PACS1: variants seen among roughly 807,000 people sequenced by gnomAD.
PACS1 encodes phosphofurin acidic cluster sorting protein 1.
Under a neutral mutation model 115.0 loss-of-function variants are expected in PACS1, and 24 were observed. The ratio of observed to expected loss-of-function variants is 0.21; its 90% CI spans 0.15 to 0.29. PACS1 has a LOEUF of 0.29. Among genes scored for constraint, PACS1 ranks in the 10% least tolerant of loss-of-function variants. The probability of loss-of-function intolerance (pLI) is 1.00; values close to 1 mark genes in which losing one functional copy is unlikely to be tolerated. For missense variants in PACS1, 838 were observed against 1,251.2 expected (o/e 0.67, Z 4.98); for synonymous variants, 453 against 504.5 (o/e 0.90, Z 1.37).
At chr11:66,134,254 C>CTTTTTCT (rs1858780251) in intron 1 of PACS1, among the ~76,000 whole-genome samples, 1 of 75,064 alleles carries the variant, frequency 1.3e-5, no homozygotes, top group Non-Finnish European at 2.3e-5. Flanking sequence ...TTTTCTTTTT[C>CTTTTTCT]TTTTTTTTTT....
At chr11:66,242,802 T>C in intron 22 of PACS1, 110 bp from the exon 23 acceptor site, 1 of 1,455,966 alleles carries the variant, frequency 6.9e-7, no homozygotes, top group East Asian at 2.3e-5. Context: ...AGGGGTTGGT[T>C]TGCAGATCAC....
chr11:66,202,250 C>T (rs955450582), intron 2 of PACS1, among the ~76,000 whole-genome samples: 2 of 152,254 alleles, frequency 1.3e-5, no homozygotes, highest in East Asian at 3.9e-4. Flanking sequence ...ACAAAGTCTT[C>T]CAGCAAAGAA....
intron 1 of PACS1, among the ~76,000 whole-genome samples, chr11:66,159,120 CAA>C (rs1173963965): frequency 6.6e-6 from 1 of 152,122 alleles, no homozygotes; most frequent in East Asian, 1.9e-4. Context: ...ACTGTCAAAT[CAA>C]GAGTGAAAAA....
At chr11:66,234,049 A>T in intron 16 of PACS1, 83 bp from the exon 17 acceptor site, 2 of 1,542,470 alleles carry the variant, frequency 1.3e-6, no homozygotes, top group Non-Finnish European at 1.8e-6. Flanking sequence ...AGTCAAGGAG[A>T]CCAAGGCCGT....
intron 1 of PACS1, among the ~76,000 whole-genome samples, chr11:66,153,475 T>C (rs893451381): frequency 2.0e-5 from 3 of 152,030 alleles, no homozygotes; most frequent in African/African-American, 4.8e-5. Flanking sequence ...TGAGACCTTT[T>C]CTCTACCTAA....
chr11:66,171,077 T>C (rs1440907989), intron 1 of PACS1, among the ~76,000 whole-genome samples: 2 of 150,518 alleles, frequency 1.3e-5, no homozygotes, highest in African/African-American at 5.0e-5. Flanking sequence ...CATTTTTTTC[T>C]GTTTAATTAT....
At chr11:66,222,299 T>C (rs1855368693) in intron 10 of PACS1, among the ~76,000 whole-genome samples, 1 of 152,058 alleles carries the variant, frequency 6.6e-6, no homozygotes, top group Non-Finnish European at 1.5e-5. Context: ...CAAGAATCCA[T>C]AGAGGGGAGC....
At chr11:66,181,703 A>G (rs559048968) in intron 1 of PACS1, among the ~76,000 whole-genome samples, 1 of 152,230 alleles carries the variant, frequency 6.6e-6, no homozygotes, top group Admixed American at 6.5e-5. Flanking sequence ...GTTCTTGCCC[A>G]AATTAGTTTT....
chr11:66,175,494 T>C (rs1859835677), intron 1 of PACS1, among the ~76,000 whole-genome samples: 1 of 152,226 alleles, frequency 6.6e-6, no homozygotes. Context: ...TGGAGACTCA[T>C]TGCATCTAGA....
chr11:66,134,937 G>A (rs1222409543), intron 1 of PACS1, among the ~76,000 whole-genome samples: 1 of 152,106 alleles, frequency 6.6e-6, no homozygotes, highest in Non-Finnish European at 1.5e-5. Context: ...TCAGCCAAGT[G>A]CAGTGGCTCA....
At chr11:66,187,669 T>C (rs1300529167) in intron 1 of PACS1, among the ~76,000 whole-genome samples, 1 of 152,212 alleles carries the variant, frequency 6.6e-6, no homozygotes, top group Admixed American at 6.5e-5. Flanking sequence ...TAGTACTCCA[T>C]GGTATGTGCA....
intron 1 of PACS1, among the ~76,000 whole-genome samples, chr11:66,186,040 G>C (rs1357273923): frequency 6.6e-6 from 1 of 152,130 alleles, no homozygotes; most frequent in Non-Finnish European, 1.5e-5. Context: ...GCCGAGGCAG[G>C]AGGATCGCTT....
chr11:66,089,630 A>G (rs549586440), intron 1 of PACS1, among the ~76,000 whole-genome samples: 1 of 152,266 alleles, frequency 6.6e-6, no homozygotes, highest in Admixed American at 6.5e-5. Context: ...AAGTAAATAT[A>G]ACTATCTAGC....
At chr11:66,203,634 T>A (rs1565145625) in intron 2 of PACS1, among the ~76,000 whole-genome samples, 1 of 152,200 alleles carries the variant, frequency 6.6e-6, no homozygotes, top group African/African-American at 2.4e-5. Context: ...CAAAACAGCA[T>A]GGTGCTGGCA....
chr11:66,198,447 C>G (rs1854697174), intron 2 of PACS1, among the ~76,000 whole-genome samples: 1 of 152,184 alleles, frequency 6.6e-6, no homozygotes, highest in Non-Finnish European at 1.5e-5. Flanking sequence ...TGAAGTACCT[C>G]CATGCTCCAG....
intron 1 of PACS1, among the ~76,000 whole-genome samples, chr11:66,089,780 G>A (rs1286897378): frequency 6.6e-6 from 1 of 152,006 alleles, no homozygotes; most frequent in African/African-American, 2.4e-5. Context: ...GCCAAGGTGG[G>A]CAGATCACAA....
Position 66,216,252 on chromosome 11 carries a change from C to G in PACS1, c.794C>G (p.Ser265Cys), listed in dbSNP as rs765366286. ...SQPIDHEGIK[S>C]KLSDRSPDID... The stretch of plus-strand genomic sequence containing the variant: ...CCCATTGACCATGAAGGAATCAAAT[C>G]CAAGCTTTCTGGTAAGAAGCATGCA... The change falls in exon 5 of 24, where the codon TCC (serine) becomes TGC (cysteine). Residue 265 changes from serine to cysteine, a missense_variant. Coordinates refer to ENST00000320580, the MANE Select transcript of PACS1 (RefSeq NM_018026.4). 1 of 1,614,048 alleles carries G rather than the reference C, an allele frequency of 6.2e-7. No homozygotes were observed. The highest frequency in any genetic ancestry group is 8.5e-7 in the Non-Finnish European group (1 of 1,179,990).
chr11:66,119,628 C>T (rs1858394856), intron 1 of PACS1, among the ~76,000 whole-genome samples: 1 of 152,264 alleles, frequency 6.6e-6, no homozygotes, highest in Admixed American at 6.5e-5. Context: ...AAGGATAATT[C>T]AGGCGGATCT....
At chr11:66,113,388 T>C (rs1157599396) in intron 1 of PACS1, among the ~76,000 whole-genome samples, 1 of 152,184 alleles carries the variant, frequency 6.6e-6, no homozygotes, top group Non-Finnish European at 1.5e-5. Flanking sequence ...GTCCTCAATC[T>C]CTAGTTGGCA....
Sources: allele counts gnomAD v4.1 joint callset (sites outside exome capture counted in the v4.1 genomes callset), GRCh38; gene constraint gnomAD v4.1.1; transcripts MANE v1.5; gene names NCBI Gene and HGNC (gene_info 2026-07-23, HGNC 2026-07-21).